Variants in KANK4 observed in about 807,000 individuals in gnomAD.
The protein encoded by KANK4 is KN motif and ankyrin repeat domain-containing protein 4.
KANK4 carries 50 observed loss-of-function variants against 80.8 expected under a neutral mutation model. The ratio of observed to expected loss-of-function variants is 0.62; its 90% CI spans 0.49 to 0.78. KANK4 has a LOEUF of 0.78. KANK4 is among the 30% of genes least tolerant of loss of function. KANK4 has a pLI of 0.00. For synonymous variants in KANK4, 465 were observed against 506.9 expected (o/e 0.92, Z 1.11); for missense variants, 1,196 against 1,240.1 (o/e 0.96, Z 0.53).
chr1:62,260,746 T>C (rs754948494), intron 7 of KANK4, among the ~76,000 whole-genome samples: 6 of 152,204 alleles, frequency 3.9e-5, no homozygotes, highest in Non-Finnish European at 7.3e-5. Context: ...TGACAATCTT[T>C]GTTTTTCATG....
At chr1:62,307,346 G>A (rs1294838352) in intron 1 of KANK4, among the ~76,000 whole-genome samples, 8 of 151,982 alleles carry the variant, frequency 5.3e-5, no homozygotes, top group Admixed American at 1.3e-4. Flanking sequence ...GCCGGACGTC[G>A]TGGTGCACAC....
intron 2 of KANK4, among the ~76,000 whole-genome samples, chr1:62,276,337 G>A (rs967960234): frequency 6.6e-6 from 1 of 152,200 alleles, no homozygotes; most frequent in Non-Finnish European, 1.5e-5. Context: ...GAGCTCAGGA[G>A]AGAACGTTAA....
intron 4 of KANK4, 83 bp from the exon 5 acceptor site, chr1:62,268,588 G>T: frequency 9.3e-7 from 1 of 1,078,864 alleles, no homozygotes; most frequent in Non-Finnish European, 1.4e-6. Flanking sequence ...GGTGGGCCTC[G>T]GGTAACACTC....
intron 1 of KANK4, among the ~76,000 whole-genome samples, chr1:62,310,623 A>C (rs575765127): frequency 1.3e-5 from 2 of 152,332 alleles, no homozygotes; most frequent in South Asian, 4.2e-4. Context: ...TTCTATACAG[A>C]GGGACAGCCA....
At chr1:62,309,890 G>A (rs187008179) in intron 1 of KANK4, among the ~76,000 whole-genome samples, 2 of 152,334 alleles carry the variant, frequency 1.3e-5, no homozygotes, top group East Asian at 3.9e-4. Flanking sequence ...AGTGGGCAGA[G>A]CTCTCAGGGC....
At chr1:62,273,082 C>A in intron 3 of KANK4, 122 bp downstream of exon 3, 1 of 673,344 alleles carries the variant, frequency 1.5e-6, no homozygotes, top group Non-Finnish European at 2.3e-6. Flanking sequence ...TGAGCCACTG[C>A]TCCCAGCTGC....
intron 9 of KANK4, among the ~76,000 whole-genome samples, chr1:62,242,850 T>C (rs1671376817): frequency 6.6e-6 from 1 of 152,160 alleles, no homozygotes; most frequent in Non-Finnish European, 1.5e-5. Context: ...TCCCTCTAAA[T>C]GTGAAGCACC....
intron 1 of KANK4, among the ~76,000 whole-genome samples, chr1:62,316,305 A>G (rs896793385): frequency 2.6e-5 from 4 of 152,192 alleles, no homozygotes; most frequent in African/African-American, 9.7e-5. Flanking sequence ...CCTAATTGTC[A>G]ACTCTGCCCA....
chr1:62,279,233 CACACACACAG>C (rs758608534), intron 2 of KANK4, among the ~76,000 whole-genome samples: 2,065 of 145,436 alleles, frequency 0.014, 37 homozygotes, highest in African/African-American at 0.039. Flanking sequence ...CACACACACA[CACACACACAG>C]AGTGATCCAT....
At chr1:62,251,593 A>G (rs1169347003) in intron 8 of KANK4, among the ~76,000 whole-genome samples, 1 of 152,166 alleles carries the variant, frequency 6.6e-6, no homozygotes, top group Non-Finnish European at 1.5e-5. Flanking sequence ...TCTCAAGCAG[A>G]GGGCCCCAGA....
Position 62,268,303 on chromosome 1 carries a change from G to T in KANK4, c.2215C>A (p.His739Asn). ...QESGPGEEVP[H>N]SKAERYKPSE... Reference sequence around the variant, plus strand: ...TTTGCTCACCTCTCGGCCTTGGAGTGGGGGACTTCTTCCCCAGGCCCACTT... The same window carrying T: ...TTTGCTCACCTCTCGGCCTTGGAGTTGGGGACTTCTTCCCCAGGCCCACTT... The change falls in exon 5 of 10, where the codon CAC becomes AAC. Residue 739 changes from histidine to asparagine, a missense_variant. By Grantham distance (68) the His-to-Asn change is moderately conservative (BLOSUM62 1). Transcript: ENST00000371153. The T allele has an allele frequency of 4.3e-6, 7 of 1,613,308 alleles. No individual in the cohort carries two copies. Among genetic ancestry groups the T allele is most frequent in the Non-Finnish European group, 5.9e-6 (7 of 1,179,692 alleles).
intron 7 of KANK4, among the ~76,000 whole-genome samples, chr1:62,255,717 G>A (rs1307502408): frequency 1.3e-5 from 2 of 152,022 alleles, no homozygotes; most frequent in Non-Finnish European, 2.9e-5. Context: ...GAGTGCAGTG[G>A]CACTCACTAT....
chr1:62,264,051 T>C (rs1183042204), intron 6 of KANK4, among the ~76,000 whole-genome samples: 1 of 152,196 alleles, frequency 6.6e-6, no homozygotes, highest in Non-Finnish European at 1.5e-5. Context: ...GAAATGATTA[T>C]GATAAATGAT....
chr1:62,238,691 G>A (rs1399537023), intron 9 of KANK4, among the ~76,000 whole-genome samples: 1 of 151,044 alleles, frequency 6.6e-6, no homozygotes, highest in Non-Finnish European at 1.5e-5. Context: ...GTGCAGTGGC[G>A]CAATCGGAGC....
chr1:62,281,605 C>G lies in KANK4; in HGVS notation c.-41G>C. 6.2e-7 allele frequency: 1 copy of G among 1,613,134 alleles called. No homozygotes were observed. Among genetic ancestry groups the G allele is most frequent in the East Asian group, 2.2e-5 (1 of 44,878 alleles). On this transcript the variant is annotated 5_prime_UTR_variant, in exon 2 of 10. Coordinates refer to ENST00000371153, the MANE Select transcript of KANK4 (RefSeq NM_181712.5). ...CCTCAGTGTCTCAGGCACTCTTCAT[C>G]CAATGAGTCTGTAAAACTTGTTGAA...
In KANK4 at chr1:62,266,834, C is replaced by G. The variant is rs528947967; in HGVS notation, c.2232-15G>C. On this transcript the variant is annotated splice_polypyrimidine_tract_variant and intron_variant, in intron 5 of 9. Coordinates refer to ENST00000371153, the MANE Select transcript of KANK4 (RefSeq NM_181712.5). ...AGGGTTTATATCTAAATAAAACAAA[C>G]ATATATACACATATTTATATAATCA... is the stretch of plus-strand genomic sequence containing the variant. The G allele has an allele frequency of 3.0e-6, 4 of 1,341,946 alleles. No homozygotes were observed. The East Asian group carries it at 9.2e-5, about 31-fold the overall frequency. 83.1% of individuals were successfully genotyped at this position (1,341,946 alleles called of 1,614,324 possible).
intron 3 of KANK4, chr1:62,271,808 C>G: frequency 2.1e-6 from 1 of 484,200 alleles, no homozygotes; most frequent in Non-Finnish European, 3.8e-6. Context: ...CAATGCCCCT[C>G]TAAGTGTGGA....
rs979833536 is a variant in KANK4 at position 62,251,940 on chromosome 1, C to G, written c.2682+1127G>C. Among the ~76,000 whole-genome samples the G allele has an allele frequency of 2.1e-4, 31 of 146,692 alleles. 1 individual carries two copies. Among genetic ancestry groups the G allele is most frequent in the Non-Finnish European group, 3.0e-5 (2 of 67,482 alleles). ...CCAGGAGGTGGAGGTTGCGGTGAGC[C>G]GAGATCAAGCCATTGCACTCCAGTC... On this transcript the variant is annotated intron_variant, in intron 8 of 9. Coordinates refer to ENST00000371153, the MANE Select transcript of KANK4 (RefSeq NM_181712.5).
chr1:62,252,261 C>T (rs970322164), intron 8 of KANK4, among the ~76,000 whole-genome samples: 1 of 152,250 alleles, frequency 6.6e-6, no homozygotes, highest in African/African-American at 2.4e-5. Context: ...TGTCCTGAAT[C>T]TCTGGCTATT....
Sources: allele counts gnomAD v4.1 joint callset (sites outside exome capture counted in the v4.1 genomes callset), GRCh38; gene constraint gnomAD v4.1.1; transcripts MANE v1.5; gene names NCBI Gene and HGNC (gene_info 2026-07-23, HGNC 2026-07-21).